The following LGR5 variants were observed in gnomAD, a reference collection of about 807,000 sequenced individuals.
LGR5 encodes leucine rich repeat containing G protein-coupled receptor 5, also known as leucine-rich repeat-containing G protein-coupled receptor 5.
LGR5 carries 54 observed loss-of-function variants against 76.7 expected under a neutral mutation model. The ratio of observed to expected loss-of-function variants is 0.70; its 90% CI spans 0.57 to 0.88. The LOEUF (loss-of-function observed/expected upper bound fraction) is 0.88. Among genes scored for constraint, LGR5 ranks in the 40% least tolerant of loss-of-function variants. LGR5 has a pLI of 0.00. For synonymous variants in LGR5, 406 were observed against 421.9 expected, an observed-to-expected ratio of 0.96 and a Z score of 0.46; for missense variants, 1,078 against 1,073.3, an observed-to-expected ratio of 1.00 and a Z score of -0.06.
At chr12:71,538,786 A>T in intron 4 of LGR5, among the ~76,000 whole-genome samples, 1 of 152,096 alleles carries the variant, frequency 6.6e-6, no homozygotes, top group Admixed American at 6.6e-5. Context: ...TGAGCCCAGG[A>T]GTTTGAGGCT....
intron 1 of LGR5, among the ~76,000 whole-genome samples, chr12:71,457,338 C>G (rs753382574): frequency 3.3e-5 from 5 of 152,122 alleles, no homozygotes; most frequent in Non-Finnish European, 7.4e-5. Context: ...TTTACTGTTG[C>G]ATTCTAATCA....
intron 2 of LGR5, among the ~76,000 whole-genome samples, chr12:71,517,014 A>C (rs761761381): frequency 8.5e-5 from 13 of 152,158 alleles, no homozygotes; most frequent in African/African-American, 2.7e-4. Flanking sequence ...AAAAAAAAAA[A>C]AAACTTCTGA....
intron 1 of LGR5, among the ~76,000 whole-genome samples, chr12:71,459,490 A>C (rs954395855): frequency 1.4e-4 from 22 of 152,228 alleles, no homozygotes; most frequent in Non-Finnish European, 2.5e-4. Context: ...TTCTTCTCAC[A>C]TTCATGGTAA....
intron 2 of LGR5, among the ~76,000 whole-genome samples, chr12:71,505,747 G>T (rs1303142351): frequency 6.6e-6 from 1 of 152,124 alleles, no homozygotes; most frequent in Non-Finnish European, 1.5e-5. Flanking sequence ...TATATTTTAT[G>T]AAATGCTATT....
At chr12:71,508,024 T>A (rs979395279) in intron 2 of LGR5, among the ~76,000 whole-genome samples, 8 of 148,550 alleles carry the variant, frequency 5.4e-5, no homozygotes, top group South Asian at 4.3e-4. Context: ...ATCGAGACCA[T>A]CCTGGCCAAC....
chr12:71,470,160 A>G (rs138746032), intron 1 of LGR5, among the ~76,000 whole-genome samples: 328 of 152,300 alleles, frequency 2.2e-3, no homozygotes, highest in African/African-American at 7.6e-3. Flanking sequence ...AAAACATCTT[A>G]TCACCTAAAG....
intron 1 of LGR5, among the ~76,000 whole-genome samples, chr12:71,481,355 T>C (rs1289817857): frequency 2.6e-5 from 4 of 152,204 alleles, no homozygotes; most frequent in African/African-American, 4.8e-5. Context: ...TGTTTGGTTT[T>C]CTGATGTTGT....
intron 2 of LGR5, among the ~76,000 whole-genome samples, chr12:71,513,626 A>G (rs1461132882): frequency 2.0e-5 from 3 of 151,894 alleles, no homozygotes; most frequent in Non-Finnish European, 4.4e-5. Flanking sequence ...TTATAAACAA[A>G]TAGCATCATG....
intron 1 of LGR5, among the ~76,000 whole-genome samples, chr12:71,462,982 G>T (rs1264959311): frequency 2.6e-5 from 4 of 152,032 alleles, no homozygotes; most frequent in Non-Finnish European, 5.9e-5. Flanking sequence ...TAATTGTGTC[G>T]CTAACTAGAC....
chr12:71,462,955 G>C (rs1565661445), intron 1 of LGR5, among the ~76,000 whole-genome samples: 1 of 152,102 alleles, frequency 6.6e-6, no homozygotes. Context: ...GCATTAAGGG[G>C]CTTGAATTTT....
rs542219977 is a variant in LGR5 at position 71,576,019 on chromosome 12, A to G, written c.1209-1906A>G. On this transcript the variant is annotated intron_variant, in intron 13 of 17. Coordinates refer to ENST00000266674, the MANE Select transcript of LGR5 (RefSeq NM_003667.4). ...AACCAAACACTGCATGTTCTCACTT[A>G]TAAGTGGGAGCTGAACAATAAGAAC... Among the ~76,000 whole-genome samples, 3 of 152,152 alleles carry G rather than the reference A, an allele frequency of 2.0e-5. No individual in the cohort carries two copies. The East Asian group carries it at 5.8e-4, about 29-fold the overall frequency.
chr12:71,535,208 A>C, intron 4 of LGR5, 22 bp downstream of exon 4: 1 of 1,467,456 alleles, frequency 6.8e-7, no homozygotes, highest in Non-Finnish European at 9.5e-7. Flanking sequence ...AGACATTGCA[A>C]AATATATTTA....
chr12:71,505,398 C>G (rs1374759074), intron 2 of LGR5, among the ~76,000 whole-genome samples: 2 of 152,200 alleles, frequency 1.3e-5, no homozygotes, highest in East Asian at 3.8e-4. Flanking sequence ...TCCTCTTACG[C>G]TTTTGAATGA....
chr12:71,526,637 G>A (rs1279934008), intron 3 of LGR5, among the ~76,000 whole-genome samples: 2 of 152,194 alleles, frequency 1.3e-5, no homozygotes, highest in Non-Finnish European at 2.9e-5. Flanking sequence ...GTGACAGACT[G>A]TGGGACCAAG....
chr12:71,498,570 G>A (rs1224814284), intron 1 of LGR5, among the ~76,000 whole-genome samples: 1 of 152,126 alleles, frequency 6.6e-6, no homozygotes, highest in East Asian at 1.9e-4. Context: ...GCCCTCTCAT[G>A]TCTCTTTTTG....
intron 3 of LGR5, among the ~76,000 whole-genome samples, chr12:71,524,945 A>G (rs1300859800): frequency 6.6e-6 from 1 of 152,210 alleles, no homozygotes; most frequent in Non-Finnish European, 1.5e-5. Flanking sequence ...AGCCTAGTGT[A>G]GAGCAGATAC....
At chr12:71,462,985 A>C (rs1872737244) in intron 1 of LGR5, among the ~76,000 whole-genome samples, 1 of 152,188 alleles carries the variant, frequency 6.6e-6, no homozygotes, top group Admixed American at 6.6e-5. Context: ...TTGTGTCGCT[A>C]ACTAGACAAA....
chr12:71,512,857 T>A (rs1282481715), intron 2 of LGR5, among the ~76,000 whole-genome samples: 1 of 152,144 alleles, frequency 6.6e-6, no homozygotes, highest in African/African-American at 2.4e-5. Context: ...GGAATGTAAG[T>A]GTGAAGCATG....
chr12:71,558,667 C>G (rs1877901232), intron 6 of LGR5, among the ~76,000 whole-genome samples: 1 of 152,236 alleles, frequency 6.6e-6, no homozygotes, highest in Non-Finnish European at 1.5e-5. Flanking sequence ...AATTATCTCT[C>G]TCTTTAAATT....
Sources: gnomAD v4.1 joint callset for allele counts (sites outside exome capture counted in the v4.1 genomes callset) on GRCh38, gnomAD v4.1.1 for gene constraint, MANE v1.5 for transcripts, NCBI Gene and HGNC (gene_info 2026-07-23, HGNC 2026-07-21) for gene names.